TMOD1: variants seen among roughly 807,000 people sequenced by gnomAD.
TMOD1 encodes the protein tropomodulin-1.
Under a neutral mutation model 40.6 loss-of-function variants are expected in TMOD1, and 17 were observed. The ratio of observed to expected loss-of-function variants is 0.42; its 90% CI spans 0.29 to 0.63. The LOEUF (loss-of-function observed/expected upper bound fraction) is 0.63, where lower values mean the gene tolerates loss of function less well. Among genes scored for constraint, TMOD1 ranks in the 20% least tolerant of loss-of-function variants. The probability of loss-of-function intolerance (pLI) is 0.22; values close to 1 mark genes in which losing one functional copy is unlikely to be tolerated. For synonymous variants in TMOD1, 181 were observed against 175.0 expected, an observed-to-expected ratio of 1.03 and a Z score of -0.27; for missense variants, 391 against 447.6, an observed-to-expected ratio of 0.87 and a Z score of 1.14.
At chr9:97,531,583 C>A (rs1830103579) in intron 2 of TMOD1, among the ~76,000 whole-genome samples, 1 of 152,048 alleles carries the variant, frequency 6.6e-6, no homozygotes, top group African/African-American at 2.4e-5. Context: ...TGCACTCCAG[C>A]CTGGGTGACA....
chr9:97,556,127 A>C, intron 4 of TMOD1, among the ~76,000 whole-genome samples: 1 of 145,456 alleles, frequency 6.9e-6, no homozygotes, highest in Admixed American at 6.8e-5. Context: ...AGGATGGGGG[A>C]ATGGAGGAGG....
chr9:97,543,157 G>A (rs999256426), intron 2 of TMOD1, among the ~76,000 whole-genome samples: 2 of 152,148 alleles, frequency 1.3e-5, no homozygotes, highest in African/African-American at 2.4e-5. Context: ...TTCTTCTATC[G>A]CAATACTTAG....
intron 7 of TMOD1, among the ~76,000 whole-genome samples, chr9:97,566,355 C>T (rs1025132892): frequency 2.6e-5 from 4 of 152,180 alleles, no homozygotes; most frequent in African/African-American, 7.2e-5. Flanking sequence ...CTTCCCTGTT[C>T]CTCAGTTTTT....
intron 1 of TMOD1, among the ~76,000 whole-genome samples, chr9:97,519,729 C>A (rs1829884956): frequency 6.6e-6 from 1 of 152,198 alleles, no homozygotes; most frequent in South Asian, 2.1e-4. Flanking sequence ...CTGGGCCAGG[C>A]ACAGGGCAAG....
chr9:97,591,254 A>T, intron 8 of TMOD1, 37 bp from the exon 9 acceptor site: 1 of 1,556,114 alleles, frequency 6.4e-7, no homozygotes, highest in Non-Finnish European at 8.7e-7. Flanking sequence ...ATGAGTGGTG[A>T]TTTTATTTTT....
chr9:97,573,140 A>T (rs1293436698), intron 8 of TMOD1, among the ~76,000 whole-genome samples: 1 of 152,204 alleles, frequency 6.6e-6, no homozygotes, highest in Admixed American at 6.5e-5. Flanking sequence ...GCCCCGAGGG[A>T]GCCTGCAGGC....
intron 2 of TMOD1, among the ~76,000 whole-genome samples, chr9:97,533,639 A>G (rs7032562): frequency 0.83 from 126,575 of 152,240 alleles, 53,033 homozygotes; most frequent in African/African-American, 0.94. Context: ...ATAGCAAGAA[A>G]CTGCTTCCAT....
intron 9 of TMOD1, among the ~76,000 whole-genome samples, chr9:97,594,746 A>G (rs1826070893): frequency 6.6e-6 from 1 of 152,248 alleles, no homozygotes; most frequent in African/African-American, 2.4e-5. Context: ...CTGTGAGTGC[A>G]GGGTGCCAGG....
chr9:97,581,258 T>C, intron 8 of TMOD1, among the ~76,000 whole-genome samples: 2 of 142,100 alleles, frequency 1.4e-5, no homozygotes, highest in Admixed American at 7.2e-5. Flanking sequence ...GGTTTTTTGT[T>C]CTTGCGATAG....
intron 8 of TMOD1, among the ~76,000 whole-genome samples, chr9:97,580,943 CT>C (rs34253873): frequency 0.53 from 71,639 of 136,290 alleles, 18,305 homozygotes; most frequent in African/African-American, 0.64. Flanking sequence ...TTTGGACTGG[CT>C]TTTTTTTTTT....
intron 1 of TMOD1, among the ~76,000 whole-genome samples, chr9:97,512,040 G>C (rs1282611178): frequency 6.6e-6 from 1 of 152,212 alleles, no homozygotes; most frequent in East Asian, 1.9e-4. Flanking sequence ...GGTTTGGAGA[G>C]TGTGACCATG....
At chr9:97,522,694 T>C (rs1829936210) in intron 1 of TMOD1, among the ~76,000 whole-genome samples, 1 of 152,068 alleles carries the variant, frequency 6.6e-6, no homozygotes, top group Admixed American at 6.6e-5. Flanking sequence ...TCTGAGTAGC[T>C]GGGACTATAG....
At chr9:97,567,419 C>A (rs1830744543) in intron 7 of TMOD1, among the ~76,000 whole-genome samples, 3 of 152,284 alleles carry the variant, frequency 2.0e-5, no homozygotes, top group African/African-American at 7.2e-5. Flanking sequence ...GCTGCCAGAG[C>A]TCTGTCAGGG....
chr9:97,563,000 T>C (rs1465508010), intron 5 of TMOD1, among the ~76,000 whole-genome samples, 179 bp downstream of exon 5: 1 of 152,236 alleles, frequency 6.6e-6, no homozygotes, highest in South Asian at 2.1e-4. Flanking sequence ...CCCAGTATTA[T>C]AGAAATGTTC....
intron 8 of TMOD1, among the ~76,000 whole-genome samples, chr9:97,589,793 A>G (rs184356730): frequency 7.9e-5 from 12 of 152,226 alleles, no homozygotes; most frequent in Admixed American, 7.2e-4. Context: ...TTGGAGGGAA[A>G]GCTTTCAGTC....
At position 97,600,007 on chromosome 9, in the gene TMOD1, T is replaced by G. The variant is rs1408221216; in HGVS notation, c.*309T>G. ...AGCGACTTAGCCCCAGGAGCCCAGT[T>G]TCAATGGCCTTGCTGTGTGGTGTTT... On this transcript the variant is annotated 3_prime_UTR_variant, in exon 10 of 10. Transcript: ENST00000259365. 2 of 1,167,538 alleles carry G rather than the reference T, an allele frequency of 1.7e-6. No homozygotes were observed. The highest frequency in any genetic ancestry group is 9.6e-5 in the East Asian group (2 of 20,862). 72.3% of individuals were successfully genotyped at this position (1,167,538 alleles called of 1,614,324 possible). A position where few individuals can be genotyped will look rare whatever the true frequency, so the allele number is the denominator to read the frequency against.
chr9:97,505,986 T>C (rs1829584734), intron 1 of TMOD1, among the ~76,000 whole-genome samples: 1 of 152,160 alleles, frequency 6.6e-6, no homozygotes, highest in African/African-American at 2.4e-5. Context: ...CCAGATTCAT[T>C]AGCCTCTAAG....
intron 9 of TMOD1, among the ~76,000 whole-genome samples, chr9:97,596,733 A>G (rs1416765078): frequency 6.6e-6 from 1 of 152,104 alleles, no homozygotes; most frequent in Non-Finnish European, 1.5e-5. Flanking sequence ...AGTGCCCCCA[A>G]GTGACCAAGG....
chr9:97,553,029 C>T (rs771595394), intron 3 of TMOD1, among the ~76,000 whole-genome samples: 4 of 152,084 alleles, frequency 2.6e-5, no homozygotes, highest in Non-Finnish European at 4.4e-5. Flanking sequence ...TGGTCATGAC[C>T]AATGCTTTTG....
Sources: allele counts gnomAD v4.1 joint callset (sites outside exome capture counted in the v4.1 genomes callset), GRCh38; gene constraint gnomAD v4.1.1; transcripts MANE v1.5; gene names NCBI Gene and HGNC (gene_info 2026-07-23, HGNC 2026-07-21).